The following BCL2L1 variants were observed in gnomAD, a reference collection of about 807,000 sequenced individuals.
The protein encoded by BCL2L1 is BCL2 like 1.
Under a neutral mutation model 18.7 loss-of-function variants are expected in BCL2L1, and 1 was observed. The observed-to-expected ratio is 0.05, with a 90% CI of 0.02 to 0.25. BCL2L1 has a LOEUF of 0.25. BCL2L1 is among the 10% of genes least tolerant of loss of function. The pLI is 1.00. For synonymous variants in BCL2L1, 103 were observed against 122.7 expected (o/e 0.84, Z 1.06); for missense variants, 207 against 304.9 (o/e 0.68, Z 2.39).
At chr20:31,712,053 G>A (rs1211082632) in intron 2 of BCL2L1, among the ~76,000 whole-genome samples, 4 of 152,192 alleles carry the variant, frequency 2.6e-5, no homozygotes, top group Admixed American at 2.6e-4. Flanking sequence ...AGGCTTCAGA[G>A]TAAGAGAGAC....
In BCL2L1 at chr20:31,722,096, A is replaced by G; in HGVS notation, c.123T>C (p.Thr41=). 1 of 1,586,118 alleles carries G rather than the reference A, an allele frequency of 6.3e-7. No individual in the cohort carries two copies. The highest frequency in any genetic ancestry group is 8.6e-7 in the Non-Finnish European group (1 of 1,166,310). Residue 41 remains threonine, a synonymous_variant, in exon 2 of 3, where the codon ACT becomes ACC. Coordinates refer to ENST00000307677, the MANE Select transcript of BCL2L1 (RefSeq NM_138578.3). ...EENRTEAPEG[T]ESEMETPSAI... ...CACTGGGGGTCTCCATCTCCGATTC[A>G]GTCCCTTCTGGGGCCTCAGTCCTGT...
At chr20:31,685,519 C>T (rs192730859) in intron 2 of BCL2L1, among the ~76,000 whole-genome samples, 8 of 152,236 alleles carry the variant, frequency 5.3e-5, no homozygotes, top group East Asian at 1.9e-4. Context: ...GCTCTAGTTC[C>T]GCACAGAAAA....
intron 2 of BCL2L1, among the ~76,000 whole-genome samples, chr20:31,714,411 G>A (rs1340988997): frequency 6.6e-6 from 1 of 152,220 alleles, no homozygotes; most frequent in African/African-American, 2.4e-5. Flanking sequence ...CCTGCTCTGA[G>A]ATGTGCTGAT....
At chr20:31,679,880 T>C (rs1047497472) in intron 2 of BCL2L1, among the ~76,000 whole-genome samples, 2 of 152,270 alleles carry the variant, frequency 1.3e-5, no homozygotes, top group African/African-American at 4.8e-5. Flanking sequence ...GGGGTTTCGC[T>C]ATGTTGGCCA....
intron 2 of BCL2L1, among the ~76,000 whole-genome samples, chr20:31,700,759 A>G (rs2061264660): frequency 6.6e-6 from 1 of 152,184 alleles, no homozygotes; most frequent in African/African-American, 2.4e-5. Flanking sequence ...TTTCATGTAT[A>G]TTATGTCTTT....
chr20:31,688,002 T>C (rs2060991268), intron 2 of BCL2L1, among the ~76,000 whole-genome samples: 1 of 152,180 alleles, frequency 6.6e-6, no homozygotes, highest in African/African-American at 2.4e-5. Context: ...CTTCTGAGCT[T>C]CACTTATCTC....
intron 2 of BCL2L1, among the ~76,000 whole-genome samples, chr20:31,695,162 C>T (rs2061146491): frequency 6.6e-6 from 1 of 152,222 alleles, no homozygotes; most frequent in Admixed American, 6.5e-5. Flanking sequence ...CTTCCACCAC[C>T]CATCCACCCT....
intron 2 of BCL2L1, among the ~76,000 whole-genome samples, chr20:31,695,487 A>G (rs764577218): frequency 3.3e-5 from 5 of 152,158 alleles, no homozygotes; most frequent in African/African-American, 4.8e-5. Flanking sequence ...ATTTTTTTGA[A>G]ACAAGGTCTT....
chr20:31,668,359 C>G (rs1198081837), intron 2 of BCL2L1, among the ~76,000 whole-genome samples: 1 of 151,580 alleles, frequency 6.6e-6, no homozygotes, highest in Non-Finnish European at 1.5e-5. Flanking sequence ...TTATTCTGTC[C>G]CCCAGGCTGG....
At chr20:31,693,093 C>CA (rs2061108292) in intron 2 of BCL2L1, among the ~76,000 whole-genome samples, 2 of 117,056 alleles carry the variant, frequency 1.7e-5, no homozygotes, top group East Asian at 4.8e-4. Context: ...AAAACAAAAA[C>CA]AAAAAAAAGC....
intron 2 of BCL2L1, among the ~76,000 whole-genome samples, chr20:31,710,250 C>T (rs1016904387): frequency 6.6e-6 from 1 of 152,126 alleles, no homozygotes; most frequent in African/African-American, 2.4e-5. Context: ...AACATGTAAA[C>T]ATGGCGACCT....
intron 2 of BCL2L1, among the ~76,000 whole-genome samples, chr20:31,705,501 T>C (rs184030511): frequency 6.6e-6 from 1 of 152,314 alleles, no homozygotes; most frequent in Non-Finnish European, 1.5e-5. Flanking sequence ...ATACTTCCAA[T>C]TAACAAAATG....
At chr20:31,697,645 GCC>G (rs2061197712) in intron 2 of BCL2L1, among the ~76,000 whole-genome samples, 1 of 152,054 alleles carries the variant, frequency 6.6e-6, no homozygotes, top group Non-Finnish European at 1.5e-5. Context: ...CACCGTGTTA[GCC>G]AGGATGGTCT....
At chr20:31,671,909 T>A (rs1179794980) in intron 2 of BCL2L1, among the ~76,000 whole-genome samples, 4 of 147,700 alleles carry the variant, frequency 2.7e-5, no homozygotes, top group African/African-American at 7.4e-5. Context: ...ATACTATATA[T>A]ATACTTTACA....
chr20:31,672,504 G>A (rs2060686875), intron 2 of BCL2L1, among the ~76,000 whole-genome samples: 1 of 151,992 alleles, frequency 6.6e-6, no homozygotes, highest in Non-Finnish European at 1.5e-5. Flanking sequence ...GGTAATAAGT[G>A]CAAAGGCCCT....
intron 2 of BCL2L1, among the ~76,000 whole-genome samples, chr20:31,697,108 C>T (rs2061185398): frequency 6.6e-6 from 1 of 150,902 alleles, no homozygotes; most frequent in Admixed American, 6.6e-5. Context: ...TATATTTTAG[C>T]TTCACTATTT....
intron 2 of BCL2L1, among the ~76,000 whole-genome samples, chr20:31,715,994 A>T (rs1379327778): frequency 6.6e-6 from 1 of 151,766 alleles, no homozygotes; most frequent in Non-Finnish European, 1.5e-5. Context: ...ACACGCCACC[A>T]CCAATTCTTT....
intron 2 of BCL2L1, among the ~76,000 whole-genome samples, chr20:31,711,852 T>C (rs555544422): frequency 1.6e-4 from 25 of 152,316 alleles, no homozygotes; most frequent in Middle Eastern, 3.4e-3. Flanking sequence ...AGTATTATCA[T>C]GCACATAAAA....
intron 2 of BCL2L1, among the ~76,000 whole-genome samples, chr20:31,682,108 T>C (rs1173669163): frequency 6.6e-6 from 1 of 152,230 alleles, no homozygotes. Flanking sequence ...CAGGGCCTAC[T>C]AGGCAGAAGG....
Sources: gnomAD v4.1 joint callset for allele counts (sites outside exome capture counted in the v4.1 genomes callset) on GRCh38, gnomAD v4.1.1 for gene constraint, MANE v1.5 for transcripts, NCBI Gene and HGNC (gene_info 2026-07-23, HGNC 2026-07-21) for gene names.